The following TANC2 variants were observed in gnomAD, a reference collection of about 807,000 sequenced individuals.
TANC2 encodes tetratricopeptide repeat, ankyrin repeat and coiled-coil containing 2.
TANC2 carries 26 observed loss-of-function variants against 210.5 expected under a neutral mutation model. That is an observed-to-expected ratio of 0.12 (90% CI 0.09 to 0.17). The LOEUF is 0.17. Among genes scored for constraint, TANC2 ranks in the 10% least tolerant of loss-of-function variants. The pLI, the probability that TANC2 is intolerant of heterozygous loss-of-function variation, is 1.00. For synonymous variants in TANC2, 931 were observed against 967.1 expected, an observed-to-expected ratio of 0.96 and a Z score of 0.69; for missense variants, 2,129 against 2,608.9, an observed-to-expected ratio of 0.82 and a Z score of 4.01.
intron 5 of TANC2, among the ~76,000 whole-genome samples, chr17:63,172,196 T>TC (rs1035899085): frequency 4.0e-5 from 6 of 149,632 alleles, no homozygotes; most frequent in African/African-American, 1.2e-4. Flanking sequence ...TTCTTTTCTT[T>TC]TTTTTTTTTT....
At position 62,966,359 on chromosome 17, in the gene TANC2, G is replaced by A. The variant is rs2031331164; in HGVS notation, c.-414G>A. 6.8e-6 allele frequency among the ~76,000 whole-genome samples: 1 copy of A among 147,070 alleles called. No individual in the cohort carries two copies. Among genetic ancestry groups the A allele is most frequent in the Non-Finnish European group, 1.5e-5 (1 of 66,068 alleles). On this transcript the variant is annotated 5_prime_UTR_variant, in exon 1 of 28. Transcript: ENST00000689528. The surrounding 1 kb of genome is among the most constrained non-coding windows in gnomAD (Gnocchi z 5.1). ...GGGGGAAGCTGCGAGCGCTCCGAGCGCCCGGCCTAGGGCCGCTGGCGCTGC... is the reference window on the plus strand; with the variant it reads ...GGGGGAAGCTGCGAGCGCTCCGAGCACCCGGCCTAGGGCCGCTGGCGCTGC...
At chr17:63,214,035 G>A (rs1244722154) in intron 7 of TANC2, among the ~76,000 whole-genome samples, 2 of 152,216 alleles carry the variant, frequency 1.3e-5, no homozygotes, top group Non-Finnish European at 2.9e-5. Context: ...AGATACTACA[G>A]AGCTGGCAGA....
chr17:63,376,990 T>C (rs1214675907), intron 14 of TANC2, among the ~76,000 whole-genome samples: 1 of 152,138 alleles, frequency 6.6e-6, no homozygotes, highest in African/African-American at 2.4e-5. Context: ...GCTAATTTTT[T>C]GTATTTTTAC....
intron 4 of TANC2, among the ~76,000 whole-genome samples, chr17:63,146,091 G>A: frequency 6.6e-6 from 1 of 152,072 alleles, no homozygotes; most frequent in East Asian, 1.9e-4. Flanking sequence ...AGCAATGTTT[G>A]ATAGTTTTTG....
At chr17:63,248,217 G>A (rs770806245) in intron 8 of TANC2, among the ~76,000 whole-genome samples, 2 of 151,944 alleles carry the variant, frequency 1.3e-5, no homozygotes, top group Non-Finnish European at 2.9e-5. Context: ...TTTCTAATGG[G>A]TACATAGAAG....
At chr17:63,268,670 G>A (rs539712523) in intron 9 of TANC2, among the ~76,000 whole-genome samples, 119 of 152,208 alleles carry the variant, frequency 7.8e-4, no homozygotes, top group Non-Finnish European at 1.8e-4. Flanking sequence ...TGGTCTTTTA[G>A]AAAGTGCCTA....
chr17:63,288,388 A>G (rs988654994), intron 9 of TANC2, among the ~76,000 whole-genome samples: 3 of 152,232 alleles, frequency 2.0e-5, no homozygotes, highest in African/African-American at 7.2e-5. Context: ...GAGAGCAGAT[A>G]TTATATGCTT....
intron 14 of TANC2, among the ~76,000 whole-genome samples, chr17:63,363,945 A>G (rs954566848): frequency 6.6e-6 from 1 of 152,206 alleles, no homozygotes; most frequent in Admixed American, 6.5e-5. Flanking sequence ...TCTATCTTCC[A>G]CTGAGTGGTA....
chr17:63,323,176 T>C (rs1180800875), intron 11 of TANC2, among the ~76,000 whole-genome samples: 3 of 152,252 alleles, frequency 2.0e-5, no homozygotes, highest in Non-Finnish European at 4.4e-5. Flanking sequence ...AATTAGTTAA[T>C]GTTTTGATGA....
intron 2 of TANC2, among the ~76,000 whole-genome samples, chr17:63,011,389 T>G (rs914712093): frequency 4.6e-5 from 7 of 152,226 alleles, no homozygotes; most frequent in African/African-American, 1.7e-4. Context: ...GTGAATGTTC[T>G]GAATGTACCT....
chr17:63,406,598 T>C (rs1047841434), intron 21 of TANC2, among the ~76,000 whole-genome samples: 4 of 152,362 alleles, frequency 2.6e-5, no homozygotes, highest in Middle Eastern at 6.8e-3. Context: ...TCTGACTTTA[T>C]CAATTCTTTT....
chr17:63,425,236 G>C (rs2049115829), exon 28 of TANC2: 1 of 152,168 alleles, frequency 6.6e-6, no homozygotes, highest in Admixed American at 6.6e-5. Flanking sequence ...CGATGGCTCA[G>C]GAAAATTCCA....
chr17:62,968,229 C>T (rs2031475162), intron 1 of TANC2, among the ~76,000 whole-genome samples: 1 of 152,038 alleles, frequency 6.6e-6, no homozygotes, highest in Non-Finnish European at 1.5e-5. Flanking sequence ...ATAACAAAAG[C>T]AGAAATATGG....
intron 3 of TANC2, among the ~76,000 whole-genome samples, chr17:63,096,109 A>T (rs1443779463): frequency 1.3e-5 from 2 of 152,266 alleles, no homozygotes; most frequent in Admixed American, 1.3e-4. Context: ...TTGTTTATGT[A>T]ACTGTAAAAT....
At chr17:63,177,579 C>T (rs2040633637) in intron 5 of TANC2, among the ~76,000 whole-genome samples, 1 of 152,060 alleles carries the variant, frequency 6.6e-6, no homozygotes, top group African/African-American at 2.4e-5. Flanking sequence ...ACATGAGAAA[C>T]CACTCCAAAA....
At chr17:63,190,992 A>G (rs1252611247) in intron 5 of TANC2, among the ~76,000 whole-genome samples, 1 of 152,038 alleles carries the variant, frequency 6.6e-6, no homozygotes, top group Non-Finnish European at 1.5e-5. Flanking sequence ...GTTAATTGTA[A>G]TGAGGGGGAA....
intron 1 of TANC2, among the ~76,000 whole-genome samples, chr17:62,982,362 A>C (rs2143441133): frequency 6.6e-6 from 1 of 152,306 alleles, no homozygotes; most frequent in South Asian, 2.1e-4. Context: ...ATACTTAAAA[A>C]CAAAAAAATT....
In TANC2 at chr17:63,384,208, T is replaced by G. The variant is rs115650304; in HGVS notation, c.2691+4382T>G. On this transcript the variant is annotated intron_variant, in intron 15 of 27. Coordinates refer to ENST00000689528, the Ensembl canonical transcript of TANC2. ...CCTCAGCCTCCCAAGTAGCTAGGAC[T>G]ACAGGCAAACAGTACTACACCTGGC... Among the ~76,000 whole-genome samples the G allele has an allele frequency of 5.6e-3, 849 of 152,276 alleles. 7 individuals are homozygous for G. Among genetic ancestry groups the G allele is most frequent in the African/African-American group, 0.018 (757 of 41,554 alleles).
At chr17:63,188,506 T>C (rs192315912) in intron 5 of TANC2, among the ~76,000 whole-genome samples, 92 of 151,350 alleles carry the variant, frequency 6.1e-4, no homozygotes, top group African/African-American at 2.1e-3. Flanking sequence ...GGCAGGAGAA[T>C]TGCTTAAACC....
Sources: gnomAD v4.1 joint callset for allele counts (sites outside exome capture counted in the v4.1 genomes callset) on GRCh38, gnomAD v4.1.1 for gene constraint, Gnocchi (gnomAD v3.1) non-coding constraint, MANE v1.5 for transcripts, NCBI Gene and HGNC (gene_info 2026-07-23, HGNC 2026-07-21) for gene names.